The following COL11A2 variants were observed in gnomAD, a reference collection of about 807,000 sequenced individuals.
COL11A2 encodes collagen alpha-2(XI) chain.
In COL11A2, 116 loss-of-function variants were observed where a neutral mutation model predicts 273.4. That is an observed-to-expected ratio of 0.42 (90% CI 0.36 to 0.49). COL11A2 has a LOEUF of 0.49. Ranked by LOEUF, COL11A2 falls within the 20% of genes least tolerant of loss-of-function variation. The pLI is 0.00. For missense variants in COL11A2, 1,866 were observed against 2,309.0 expected, an observed-to-expected ratio of 0.81 and a Z score of 3.93; for synonymous variants, 782 against 864.2, an observed-to-expected ratio of 0.90 and a Z score of 1.67.
In COL11A2 at chr6:33,176,443, C is replaced by T. The variant is rs756050324; in HGVS notation, c.2159G>A (p.Arg720Gln). 3.1e-6 allele frequency: 5 copies of T among 1,612,532 alleles called. No individual in the cohort carries two copies. The highest frequency in any genetic ancestry group is 2.2e-5 in the East Asian group (1 of 44,860). Reference protein sequence around the residue: ...PQGPLGYPGPRGVKGVDGIRG... With the variant: ...PQGPLGYPGPQGVKGVDGIRG... Reference sequence around the variant, plus strand: ...CTGGTGGTCAGTTACCTTGACCCCTCGAGGTCCTGGGTATCCTAGAGGTCC... The same window carrying T: ...CTGGTGGTCAGTTACCTTGACCCCTTGAGGTCCTGGGTATCCTAGAGGTCC... Residue 720 changes from arginine (R) to glutamine (Q), a missense_variant, in exon 27 of 66, where the codon CGA becomes CAA. Physicochemically the swap from Arg to Gln is conservative, Grantham distance 43. Coordinates refer to ENST00000341947, the MANE Select transcript of COL11A2 (RefSeq NM_080680.3). This position sits in a 1 kb window ranked among gnomAD's most constrained non-coding sequence, Gnocchi z 4.9.
rs1346603675 is a variant in COL11A2 at position 33,167,886 on chromosome 6, G to A, written c.3961-34C>T. On this transcript the variant is annotated intron_variant, in intron 54 of 65. Transcript: ENST00000341947. This position sits in a 1 kb window ranked among gnomAD's most constrained non-coding sequence, Gnocchi z 6.1. ...GGAGTGGGAAGGAAGAGCACATGAG[G>A]CCGTGGGCAGCCAGGCTCAACTCTT... The A allele has an allele frequency of 2.5e-6, 4 of 1,611,212 alleles. No homozygotes were observed. The highest frequency in any genetic ancestry group is 2.5e-6 in the Non-Finnish European group (3 of 1,179,072).
chr6:33,166,371 G>C lies in COL11A2; in HGVS notation c.4392+142C>G. The C allele has an allele frequency of 8.1e-7, 1 of 1,229,376 alleles. No individual in the cohort carries two copies. Among genetic ancestry groups the C allele is most frequent in the East Asian group, 2.4e-5 (1 of 41,516 alleles). 76.2% of individuals were successfully genotyped at this position (1,229,376 alleles called of 1,614,324 possible). On this transcript the variant is annotated intron_variant, in intron 60 of 65. Transcript: ENST00000341947. This position sits in a 1 kb window ranked among gnomAD's most constrained non-coding sequence, Gnocchi z 4.8. ...CAGAGCCCTGGAAGTATGGGGAGGA[G>C]GTACTGGTGGTGACAGGACAAATGG...
At position 33,178,481 on chromosome 6, in the gene COL11A2, G is replaced by C; in HGVS notation, c.1727C>G (p.Thr576Ser). ...LPGEKGHRGD[T>S]GAQGLPGPPG... ...GGGACCAGGAAGGCCCTGGGCACCAGTATCACCCTGCAAAATGGGGGAACT... is the reference window on the plus strand; with the variant it reads ...GGGACCAGGAAGGCCCTGGGCACCACTATCACCCTGCAAAATGGGGGAACT... Residue 576 changes from threonine to serine, a missense_variant, in exon 19 of 66, where the codon ACT (threonine) becomes AGT (serine). Physicochemically the swap from Thr to Ser is moderately conservative, Grantham distance 58 (BLOSUM62 1). Transcript: ENST00000341947. The surrounding 1 kb of genome is among the most constrained non-coding windows in gnomAD (Gnocchi z 4.6). The C allele has an allele frequency of 6.2e-7, 1 of 1,612,832 alleles. No homozygotes were observed. The highest frequency in any genetic ancestry group is 2.2e-5 in the East Asian group (1 of 44,844).
At position 33,188,488 on chromosome 6, in the gene COL11A2, A is replaced by C. The variant is rs142969513; in HGVS notation, c.480T>G (p.Ser160=). 4.9e-4 allele frequency: 792 copies of C among 1,613,070 alleles called. 2 individuals carry two copies. Among genetic ancestry groups the C allele is most frequent in the Non-Finnish European group, 6.5e-4 (768 of 1,180,032 alleles). ...TCTTGCAGTCAACAATGAGGGTGAC[A>C]GACTGGCCCTTCACAGCCACAGCCA... ...HRVAVAVKGQ[S]VTLIVDCKKR... The change falls in exon 4 of 66, where the codon TCT becomes TCG. Residue 160 remains serine (S), a synonymous_variant. Coordinates refer to ENST00000341947, the MANE Select transcript of COL11A2 (RefSeq NM_080680.3).
chr6:33,163,607 G>A lies in COL11A2; in HGVS notation c.*71C>T. 4 of 1,609,494 alleles carry A rather than the reference G, an allele frequency of 2.5e-6. No individual in the cohort carries two copies. The highest frequency in any genetic ancestry group is 3.4e-6 in the Non-Finnish European group (4 of 1,176,868). On this transcript the variant is annotated 3_prime_UTR_variant, in exon 66 of 66. Coordinates refer to ENST00000341947, the MANE Select transcript of COL11A2 (RefSeq NM_080680.3). The surrounding 1 kb of genome is among the most constrained non-coding windows in gnomAD (Gnocchi z 4.1). The stretch of plus-strand genomic sequence containing the variant: ...ATAGTGAGGAGCCCTCTTGGGAGGT[G>A]GCACAGAGCTGATGTTGTGGGATTC...
At chr6:33,186,533 A>T (rs2150611801) in intron 5 of COL11A2, 94 bp downstream of exon 5, 1 of 1,604,862 alleles carries the variant, frequency 6.2e-7, no homozygotes, top group Non-Finnish European at 8.5e-7. Context: ...GAATAGGGAG[A>T]TGAGGGTGGG....
At position 33,163,173 on chromosome 6, in the gene COL11A2, G is replaced by A. The variant is rs1768581457; in HGVS notation, c.*505C>T. Reference sequence around the variant, plus strand: ...TGAGGTGGGAGGAAGGTGGGAGGGAGGTGGGGTTCAGCCCTGAAACCCCCC... The same window carrying A: ...TGAGGTGGGAGGAAGGTGGGAGGGAAGTGGGGTTCAGCCCTGAAACCCCCC... On this transcript the variant is annotated 3_prime_UTR_variant, in exon 66 of 66. Coordinates refer to ENST00000341947, the MANE Select transcript of COL11A2 (RefSeq NM_080680.3). The surrounding 1 kb of genome is among the most constrained non-coding windows in gnomAD (Gnocchi z 4.1). 1 of 163,500 alleles carries A rather than the reference G, an allele frequency of 6.1e-6. No homozygotes were observed. 10.1% of individuals were successfully genotyped at this position (163,500 alleles called of 1,614,324 possible).
chr6:33,168,804 G>A, intron 52 of COL11A2, 45 bp from the exon 53 acceptor site: 1 of 1,599,448 alleles, frequency 6.3e-7, no homozygotes, highest in Non-Finnish European at 8.5e-7. Context: ...CAACCTGGCT[G>A]GCATCACCTC....
Position 33,179,443 on chromosome 6 carries a change from G to T in COL11A2, c.1491C>A (p.Arg497=). The part of the protein sequence containing the change: ...GPPGPMGYTG[R]PGPLGQPGSP... ...CCTGCTCACTCACCAAGGGTCCAGG[G>T]CGCCCTGTGTATCCCATGGGGCCAG... The change falls in exon 14 of 66, where the codon CGC becomes CGA. Residue 497 remains arginine, a synonymous_variant. Coordinates refer to ENST00000341947, the MANE Select transcript of COL11A2 (RefSeq NM_080680.3). The surrounding 1 kb of genome is among the most constrained non-coding windows in gnomAD (Gnocchi z 6.4). 2.5e-6 allele frequency: 4 copies of T among 1,569,184 alleles called. No individual in the cohort carries two copies. Among genetic ancestry groups the T allele is most frequent in the Non-Finnish European group, 3.5e-6 (4 of 1,157,282 alleles).
Position 33,172,517 on chromosome 6 carries a change from G to C in COL11A2, c.2898+13C>G. 6.2e-7 allele frequency: 1 copy of C among 1,609,716 alleles called. No individual in the cohort carries two copies. Among genetic ancestry groups the C allele is most frequent in the Non-Finnish European group, 8.5e-7 (1 of 1,177,364 alleles). ...AGCTCCCCCACTTCCCCTCTGCCTG[G>C]CCCCTCACTGACCTTTGTTCCTTCT... On this transcript the variant is annotated intron_variant, in intron 39 of 65. Transcript: ENST00000341947.
chr6:33,185,655 G>A (rs1562379541), intron 6 of COL11A2, 46 bp downstream of exon 6: 3 of 909,146 alleles, frequency 3.3e-6, no homozygotes, highest in African/African-American at 1.7e-5. Flanking sequence ...TGATTGCTGG[G>A]GGTGCTGGGA....
chr6:33,185,579 C>A, intron 6 of COL11A2, 122 bp downstream of exon 6: 1 of 504,794 alleles, frequency 2.0e-6, no homozygotes. Context: ...AAGTAAATCC[C>A]CATAATCTAA....
chr6:33,173,276 T>C lies in COL11A2; in HGVS notation c.2736+72A>G. ...CTGCCAGGAGAACGTCCCTGTGGGC[T>C]TTCCAGACAGCTCTGGGGTTAAAGG... On this transcript the variant is annotated intron_variant, in intron 37 of 65. Coordinates refer to ENST00000341947, the MANE Select transcript of COL11A2 (RefSeq NM_080680.3). The surrounding 1 kb of genome is among the most constrained non-coding windows in gnomAD (Gnocchi z 6.3). 6.3e-7 allele frequency: 1 copy of C among 1,592,204 alleles called. No individual in the cohort carries two copies. Among genetic ancestry groups the C allele is most frequent in the Non-Finnish European group, 8.6e-7 (1 of 1,166,542 alleles).
At position 33,165,454 on chromosome 6, in the gene COL11A2, C is replaced by T; in HGVS notation, c.4750+95G>A. 6.3e-7 allele frequency: 1 copy of T among 1,581,954 alleles called. No homozygotes were observed. Among genetic ancestry groups the T allele is most frequent in the Non-Finnish European group, 8.6e-7 (1 of 1,165,028 alleles). On this transcript the variant is annotated intron_variant, in intron 63 of 65. Coordinates refer to ENST00000341947, the MANE Select transcript of COL11A2 (RefSeq NM_080680.3). This position sits in a 1 kb window ranked among gnomAD's most constrained non-coding sequence, Gnocchi z 7.7. Reference sequence around the variant, plus strand: ...AGCCCCTCAGCCCTCACCCTTAACCCAACACCTTCACCAAGACTCCCCCAG... The same window carrying T: ...AGCCCCTCAGCCCTCACCCTTAACCTAACACCTTCACCAAGACTCCCCCAG...
Position 33,164,932 on chromosome 6 carries a change from C to A in COL11A2, c.4783G>T (p.Ala1595Ser). ...CAGAAAACTCGGAAGGCATCCCGAG[C>A]ACAGCCCTGGTTGGGGTCGACCCAG... ...EYWVDPNQGC[A>S]RDAFRVFCNF... Residue 1595 changes from alanine (A) to serine (S), a missense_variant, in exon 64 of 66, where the codon GCT becomes TCT. By Grantham distance (99) the Ala-to-Ser change is moderately conservative. Coordinates refer to ENST00000341947, the MANE Select transcript of COL11A2 (RefSeq NM_080680.3). The surrounding 1 kb of genome is among the most constrained non-coding windows in gnomAD (Gnocchi z 4.7). The A allele has an allele frequency of 6.3e-7, 1 of 1,580,252 alleles. No homozygotes were observed.
At chr6:33,174,979 C>T (rs1448934769) in intron 30 of COL11A2, among the ~76,000 whole-genome samples, 3 of 152,138 alleles carry the variant, frequency 2.0e-5, no homozygotes, top group Non-Finnish European at 2.9e-5. Flanking sequence ...CCCCGACTCC[C>T]GTGCATGCCC....
Position 33,172,497 on chromosome 6 carries a change from C to T in COL11A2, c.2898+33G>A, listed in dbSNP as rs1192608369. 1.9e-6 allele frequency: 3 copies of T among 1,599,324 alleles called. No homozygotes were observed. The Admixed American group carries it at 5.0e-5, about 27-fold the overall frequency. On this transcript the variant is annotated intron_variant, in intron 39 of 65. Transcript: ENST00000341947. Reference sequence around the variant, plus strand: ...CTTTCAGCACCCCAATCCCCAGCTCCCCCACTTCCCCTCTGCCTGGCCCCT... The same window carrying T: ...CTTTCAGCACCCCAATCCCCAGCTCTCCCACTTCCCCTCTGCCTGGCCCCT...
Position 33,171,672 on chromosome 6 carries a change from GACCCCTCCCCAGT to G in COL11A2, c.3150+28_3150+40del, listed in dbSNP as rs781473949. Reference sequence around the variant, plus strand: ...ATAGCCCATCAACCCTAGGCTCACAGACCCCTCCCCAGTACCCCTCCCCAATACCCCCACACTC... The same window carrying G: ...ATAGCCCATCAACCCTAGGCTCACAGACCCCTCCCCAATACCCCCACACTC... On this transcript the variant is annotated intron_variant, in intron 42 of 65. Transcript: ENST00000341947. 3 of 1,601,722 alleles carry G rather than the reference GACCCCTCCCCAGT, an allele frequency of 1.9e-6. No homozygotes were observed. In the South Asian group the frequency reaches 3.3e-5, roughly 18 times the overall value.
chr6:33,180,241 C>T lies in COL11A2; in HGVS notation c.1359+17G>A, dbSNP rs748667918. The T allele has an allele frequency of 1.2e-6, 2 of 1,611,998 alleles. No individual in the cohort carries two copies. Among genetic ancestry groups the T allele is most frequent in the South Asian group, 2.2e-5 (2 of 91,060 alleles). On this transcript the variant is annotated intron_variant, in intron 12 of 65. Coordinates refer to ENST00000341947, the MANE Select transcript of COL11A2 (RefSeq NM_080680.3). ...TCTTCCCCATCAGCATGTTCCAAAA[C>T]CCAAGAGACAACTCACTGGGAGCAT...
Sources: allele counts gnomAD v4.1 joint callset (sites outside exome capture counted in the v4.1 genomes callset), GRCh38; gene constraint gnomAD v4.1.1; non-coding constraint Gnocchi (gnomAD v3.1); transcripts MANE v1.5; gene names NCBI Gene and HGNC (gene_info 2026-07-23, HGNC 2026-07-21).